Variants in RNF130 observed in about 807,000 individuals in gnomAD.
RNF130 encodes ring finger protein 130, also known as E3 ubiquitin-protein ligase RNF130.
A neutral mutation model predicts 44.6 loss-of-function variants in RNF130; 21 were observed. The observed-to-expected ratio is 0.47, with a 90% confidence interval of 0.33 to 0.68. The LOEUF (loss-of-function observed/expected upper bound fraction) is 0.68. RNF130 is among the 30% of genes least tolerant of loss of function. The pLI is 0.02. For synonymous variants in RNF130, 214 were observed against 210.4 expected (o/e 1.02, Z -0.15); for missense variants, 479 against 560.6 (o/e 0.85, Z 1.47).
intron 7 of RNF130, among the ~76,000 whole-genome samples, chr5:179,942,924 C>A (rs894134284): frequency 6.6e-6 from 1 of 152,170 alleles, no homozygotes; most frequent in South Asian, 2.1e-4. Flanking sequence ...TGGCTGGGTG[C>A]CGTGGCTCAG....
At chr5:179,972,653 C>A (rs1026231547) in intron 5 of RNF130, among the ~76,000 whole-genome samples, 2 of 152,000 alleles carry the variant, frequency 1.3e-5, no homozygotes, top group Non-Finnish European at 2.9e-5. Context: ...AGCCGCAGCA[C>A]CACCTGGGGG....
intron 3 of RNF130, among the ~76,000 whole-genome samples, chr5:180,001,037 C>T (rs895673992): frequency 5.3e-5 from 8 of 152,138 alleles, no homozygotes; most frequent in Non-Finnish European, 1.0e-4. Flanking sequence ...CAAAGATTTT[C>T]GCCTACAGTT....
intron 2 of RNF130, among the ~76,000 whole-genome samples, chr5:180,023,544 C>CA (rs1240625965): frequency 5.9e-5 from 9 of 152,112 alleles, no homozygotes; most frequent in Non-Finnish European, 7.4e-5. Context: ...TAAACCAAAA[C>CA]AAAAAAACAA....
chr5:179,943,179 C>A (rs1322220459), intron 7 of RNF130, among the ~76,000 whole-genome samples: 2 of 152,078 alleles, frequency 1.3e-5, no homozygotes, highest in South Asian at 2.1e-4. Context: ...TGGGACAGAG[C>A]GAGACACTGT....
intron 3 of RNF130, among the ~76,000 whole-genome samples, chr5:179,996,089 C>A (rs1351064290): frequency 6.6e-5 from 10 of 152,170 alleles, no homozygotes; most frequent in Non-Finnish European, 8.8e-5. Context: ...TTATTCCTAT[C>A]CATGAACATG....
chr5:180,071,425 C>T, intron 1 of RNF130, 31 bp downstream of exon 1: 1 of 1,232,272 alleles, frequency 8.1e-7, no homozygotes, highest in Non-Finnish European at 1.0e-6. Context: ...ATGCAGCGAC[C>T]ACCGCCCGCC....
At chr5:179,994,027 G>A (rs1472817894) in intron 3 of RNF130, among the ~76,000 whole-genome samples, 3 of 152,276 alleles carry the variant, frequency 2.0e-5, no homozygotes, top group African/African-American at 4.8e-5. Context: ...TCAAAGATCC[G>A]ATAGTTGTAG....
intron 2 of RNF130, among the ~76,000 whole-genome samples, chr5:180,034,084 T>C (rs1298949290): frequency 1.4e-5 from 2 of 143,028 alleles, no homozygotes; most frequent in African/African-American, 4.9e-5. Context: ...TTTCCTAATG[T>C]GTTAAATGCT....
chr5:180,005,654 C>T (rs1763448965), intron 3 of RNF130, among the ~76,000 whole-genome samples: 1 of 152,188 alleles, frequency 6.6e-6, no homozygotes, highest in Non-Finnish European at 1.5e-5. Context: ...TCATCTCCAT[C>T]TGATGAAGTC....
chr5:180,020,019 G>T (rs887100939), intron 2 of RNF130, among the ~76,000 whole-genome samples: 10 of 152,178 alleles, frequency 6.6e-5, no homozygotes, highest in Admixed American at 6.5e-5. Flanking sequence ...CTAAGAAAGG[G>T]TCCAGGGAAC....
chr5:180,058,309 A>C lies in RNF130; in HGVS notation c.247+13147T>G, dbSNP rs145687804. ...GGTTGTGTATTTTTCAGTGTATGTTACAGCTGGTAAAAATGTGTGCTAATT... is the reference window on the plus strand; with the variant it reads ...GGTTGTGTATTTTTCAGTGTATGTTCCAGCTGGTAAAAATGTGTGCTAATT... On this transcript the variant is annotated intron_variant, in intron 1 of 8. Coordinates refer to ENST00000521389, the MANE Select transcript of RNF130 (RefSeq NM_018434.6). 6.6e-4 allele frequency among the ~76,000 whole-genome samples: 101 copies of C among 152,308 alleles called. 1 individual carries two copies. In the East Asian group the frequency reaches 0.018, roughly 28 times the overall value.
At chr5:179,943,710 A>C (rs547553569) in intron 7 of RNF130, among the ~76,000 whole-genome samples, 1 of 152,324 alleles carries the variant, frequency 6.6e-6, no homozygotes, top group East Asian at 1.9e-4. Context: ...CTGAACCCAA[A>C]GCCAAGTTAT....
chr5:179,975,154 G>C (rs2113712814), intron 5 of RNF130, among the ~76,000 whole-genome samples: 1 of 152,340 alleles, frequency 6.6e-6, no homozygotes, highest in East Asian at 1.9e-4. Context: ...GCCACAGCAG[G>C]TAACACCGAC....
intron 1 of RNF130, among the ~76,000 whole-genome samples, chr5:180,051,116 T>C (rs1263891178): frequency 6.6e-6 from 1 of 152,140 alleles, no homozygotes; most frequent in Non-Finnish European, 1.5e-5. Context: ...TCTAGTACTT[T>C]TAAAAAGTAA....
intron 3 of RNF130, among the ~76,000 whole-genome samples, chr5:179,998,589 G>T (rs1466405361): frequency 6.6e-6 from 1 of 152,014 alleles, no homozygotes; most frequent in African/African-American, 2.4e-5. Flanking sequence ...AAGCAAAACT[G>T]TGCCTAGCTG....
At chr5:179,958,498 C>G (rs1762257800) in intron 8 of RNF130, among the ~76,000 whole-genome samples, 1 of 152,142 alleles carries the variant, frequency 6.6e-6, no homozygotes, top group Admixed American at 6.5e-5. Flanking sequence ...CCTCTGATCC[C>G]TCCTAGGAAC....
At chr5:179,988,031 G>A (rs1371916392) in intron 3 of RNF130, among the ~76,000 whole-genome samples, 1 of 152,204 alleles carries the variant, frequency 6.6e-6, no homozygotes, top group East Asian at 1.9e-4. Flanking sequence ...AATAGTTTCA[G>A]AAGAACTGAC....
intron 3 of RNF130, among the ~76,000 whole-genome samples, chr5:179,996,558 T>C (rs537087633): frequency 6.6e-6 from 1 of 152,384 alleles, no homozygotes; most frequent in South Asian, 2.1e-4. Flanking sequence ...TTTCTGCATC[T>C]ACTGGCATTA....
intron 5 of RNF130, among the ~76,000 whole-genome samples, chr5:179,971,727 A>G (rs1042058404): frequency 3.3e-5 from 5 of 152,242 alleles, no homozygotes; most frequent in Admixed American, 2.6e-4. Context: ...TACCTTTACA[A>G]CTTTGATTGT....
Sources: gnomAD v4.1 joint callset for allele counts (sites outside exome capture counted in the v4.1 genomes callset) on GRCh38, gnomAD v4.1.1 for gene constraint, MANE v1.5 for transcripts, NCBI Gene and HGNC (gene_info 2026-07-23, HGNC 2026-07-21) for gene names.